Variants in COPB1 observed in about 807,000 individuals in gnomAD.
The protein encoded by COPB1 is coat protein complex I subunit beta 1, also known as coatomer subunit beta.
COPB1 carries 21 observed loss-of-function variants against 108.7 expected under a neutral mutation model. The ratio of observed to expected loss-of-function variants is 0.19; its 90% confidence interval spans 0.14 to 0.28. COPB1 has a LOEUF of 0.28. Ranked by LOEUF, COPB1 falls within the 10% of genes least tolerant of loss-of-function variation. COPB1 has a pLI of 1.00. For missense variants in COPB1, 919 were observed against 1,141.3 expected (o/e 0.81, Z 2.81); for synonymous variants, 378 against 386.8 (o/e 0.98, Z 0.27).
chr11:14,462,735 T>C (rs150357169), intron 18 of COPB1, among the ~76,000 whole-genome samples: 1,620 of 152,306 alleles, frequency 0.011, 16 homozygotes, highest in Admixed American at 0.015. Context: ...CCATCTGTGA[T>C]TCCTGCTTTG....
In COPB1 at chr11:14,483,157, TA is replaced by T. The variant is rs752884733; in HGVS notation, c.838-7del. 6.5e-6 allele frequency: 10 copies of T among 1,528,454 alleles called. No individual in the cohort carries two copies. The highest frequency in any genetic ancestry group is 4.1e-5 in the Admixed American group (2 of 48,500). The allele number at this position is 1,528,454 out of a possible 1,614,324, so 94.7% of individuals were successfully genotyped here. On this transcript the variant is annotated splice_region_variant and splice_polypyrimidine_tract_variant and intron_variant, in intron 7 of 21. Transcript: ENST00000439561. ...ATGTAACACTGAGCAGCAGCCTATA[TA>T]AAAAAAGAAATACATTTTAAGAAGT...
intron 19 of COPB1, 136 bp from the exon 20 acceptor site, chr11:14,460,433 T>C (rs1850119901): frequency 1.7e-6 from 1 of 583,416 alleles, no homozygotes; most frequent in Admixed American, 3.2e-5. Flanking sequence ...CTAAATAACA[T>C]CTATAAAATC....
intron 18 of COPB1, among the ~76,000 whole-genome samples, chr11:14,464,579 T>C (rs1850237128): frequency 6.6e-6 from 1 of 152,170 alleles, no homozygotes; most frequent in East Asian, 1.9e-4. Flanking sequence ...ACCATCTTCC[T>C]TTATAAAGCC....
chr11:14,474,269 G>A (rs927641791), intron 14 of COPB1: 4 of 319,692 alleles, frequency 1.3e-5, no homozygotes, highest in South Asian at 4.9e-5. Flanking sequence ...ACATGACATT[G>A]TTATTGTATT....
At position 14,457,782 on chromosome 11, in the gene COPB1, A is replaced by G. The variant is rs372019218; in HGVS notation, c.*42T>C. On this transcript the variant is annotated 3_prime_UTR_variant, in exon 22 of 22. Transcript: ENST00000439561. ...AGATGTTGGAGTCCAGTAAGCCCAT[A>G]CCTAAATTAACTGTAAAGCTTCAAG... The G allele has an allele frequency of 1.5e-5, 19 of 1,281,764 alleles. No homozygotes were observed. The highest frequency in any genetic ancestry group is 2.0e-5 in the Non-Finnish European group (18 of 880,846). The allele number at this position is 1,281,764 out of a possible 1,614,324, so 79.4% of individuals were successfully genotyped here. A position where few individuals can be genotyped will look rare whatever the true frequency, so the allele number is the denominator to read the frequency against.
Position 14,490,716 on chromosome 11 carries a change from A to C in COPB1, c.492-37T>G, listed in dbSNP as rs749049938. ...ACAGGTAACATCCATATTTAATAAA[A>C]GCCTACTTTACTATTTTAGTAACTC... On this transcript the variant is annotated intron_variant, in intron 4 of 21. Coordinates refer to ENST00000439561, the MANE Select transcript of COPB1 (RefSeq NM_001144061.2). 1.5e-5 allele frequency: 17 copies of C among 1,136,032 alleles called. No homozygotes were observed. In the South Asian group the frequency reaches 2.2e-4, roughly 15 times the overall value. The allele number at this position is 1,136,032 out of a possible 1,614,324, so 70.4% of individuals were successfully genotyped here. A position where few individuals can be genotyped will look rare whatever the true frequency, so the allele number is the denominator to read the frequency against.
At chr11:14,492,506 G>A (rs1000742025) in intron 4 of COPB1, among the ~76,000 whole-genome samples, 8 of 151,906 alleles carry the variant, frequency 5.3e-5, no homozygotes, top group African/African-American at 1.7e-4. Flanking sequence ...ACCACGCCCA[G>A]CTAATTTTGT....
chr11:14,470,944 A>ACACACACACACTCTCTCTCTCT (rs1285522756), intron 14 of COPB1, among the ~76,000 whole-genome samples: 2 of 90,156 alleles, frequency 2.2e-5, no homozygotes, highest in African/African-American at 1.0e-4. Flanking sequence ...ACACACACAC[A>ACACACACACACTCTCTCTCTCT]CTCTCTCTCT....
chr11:14,461,289 A>C lies in COPB1; in HGVS notation c.2453T>G (p.Val818Gly), dbSNP rs551847618. 1 of 1,614,184 alleles carries C rather than the reference A, an allele frequency of 6.2e-7. No homozygotes were observed. The highest frequency in any genetic ancestry group is 2.2e-5 in the East Asian group (1 of 44,882). The stretch of plus-strand genomic sequence containing the variant: ...GATGTCGATGTGAATATCACTGAGA[A>C]CCACACAATTTCTGTCACTTGCTGC... Reference protein sequence around the residue: ...SGAASDRNCVVLSDIHIDIMD... With the variant: ...SGAASDRNCVGLSDIHIDIMD... The change falls in exon 19 of 22, where the codon GTT becomes GGT. Residue 818 changes from valine to glycine, a missense_variant. Physicochemically the swap from Val to Gly is moderately radical, Grantham distance 109 (BLOSUM62 -3). This residue lies in a region of COPB1 where 705 missense variants were observed against 817.8 expected (regional missense o/e 0.86). Transcript: ENST00000439561.
At chr11:14,470,830 C>T (rs978912546) in intron 14 of COPB1, among the ~76,000 whole-genome samples, 4 of 151,772 alleles carry the variant, frequency 2.6e-5, no homozygotes, top group African/African-American at 9.7e-5. Flanking sequence ...GAAAACCACA[C>T]TAAGGCATAT....
chr11:14,495,139 A>C (rs1456375256), intron 2 of COPB1, among the ~76,000 whole-genome samples: 1 of 152,206 alleles, frequency 6.6e-6, no homozygotes, highest in Non-Finnish European at 1.5e-5. Flanking sequence ...CTGCAACATA[A>C]AGTATTTTAC....
At chr11:14,494,560 T>C in intron 2 of COPB1, 121 bp from the exon 3 acceptor site, 1 of 619,820 alleles carries the variant, frequency 1.6e-6, no homozygotes, top group Non-Finnish European at 2.8e-6. Flanking sequence ...GCAATGGTAA[T>C]AAAAGTACAA....
At chr11:14,475,306 T>G (rs1012033112) in intron 13 of COPB1, among the ~76,000 whole-genome samples, 3 of 152,152 alleles carry the variant, frequency 2.0e-5, no homozygotes, top group African/African-American at 7.2e-5. Context: ...AAAGGCTTAT[T>G]GTCAAGACTA....
At chr11:14,499,671 C>T (rs1851112572) in intron 1 of COPB1, 36 bp downstream of exon 1, 1 of 151,960 alleles carries the variant, frequency 6.6e-6, no homozygotes, top group Admixed American at 6.6e-5. Context: ...CATCTTCCAG[C>T]TAGAAAGCCA....
intron 7 of COPB1, among the ~76,000 whole-genome samples, chr11:14,485,512 T>C (rs1210047445): frequency 6.6e-6 from 1 of 152,160 alleles, no homozygotes; most frequent in African/African-American, 2.4e-5. Context: ...ACTAATAACC[T>C]ACTGTTGGCC....
chr11:14,459,476 GT>G (rs1224650761), intron 20 of COPB1, among the ~76,000 whole-genome samples: 4 of 151,308 alleles, frequency 2.6e-5, no homozygotes, highest in Admixed American at 6.6e-5. Flanking sequence ...TTTCTCTCTC[GT>G]TTTTTTCATA....
In COPB1 at chr11:14,493,749, T is replaced by C; in HGVS notation, c.384A>G (p.Lys128=). The part of the protein sequence containing the change: ...GSTLRFLCKL[K]EAELLEPLMP... ...TTAAAGGTTCTAGCAATTCTGCTTC[T>C]TTCAATTTGCAAAGAAAACGAAGAG... The change falls in exon 4 of 22, where the codon AAA becomes AAG. Residue 128 remains lysine (K), a synonymous_variant. Transcript: ENST00000439561. The C allele has an allele frequency of 6.2e-7, 1 of 1,613,530 alleles. No individual in the cohort carries two copies. The highest frequency in any genetic ancestry group is 8.5e-7 in the Non-Finnish European group (1 of 1,179,816).
At chr11:14,458,474 T>C (rs1850074510) in intron 21 of COPB1, 58 bp downstream of exon 21, 1 of 1,507,976 alleles carries the variant, frequency 6.6e-7, no homozygotes, top group South Asian at 1.3e-5. Context: ...AATAAAGTCA[T>C]AAATTCCTCC....
At chr11:14,486,962 G>T (rs1305364401) in intron 6 of COPB1, among the ~76,000 whole-genome samples, 4 of 152,122 alleles carry the variant, frequency 2.6e-5, no homozygotes, top group Non-Finnish European at 5.9e-5. Flanking sequence ...TATTAAATTT[G>T]GTCCTAAATG....
Sources: gnomAD v4.1 joint callset for allele counts (sites outside exome capture counted in the v4.1 genomes callset) on GRCh38, gnomAD v4.1.1 for gene constraint, gnomAD v4.1.1 regional missense constraint, MANE v1.5 for transcripts, NCBI Gene and HGNC (gene_info 2026-07-23, HGNC 2026-07-21) for gene names.